The following AR variants were observed in gnomAD, a reference collection of about 807,000 sequenced individuals.
The protein encoded by AR is androgen receptor.
AR carries 8 observed loss-of-function variants against 53.9 expected under a neutral mutation model. The observed-to-expected ratio is 0.15, with a 90% CI of 0.09 to 0.27. AR has a LOEUF of 0.27. AR is among the 10% of genes least tolerant of loss of function. The pLI is 1.00. For synonymous variants in AR, 359 were observed against 316.4 expected, an observed-to-expected ratio of 1.13 and a Z score of -1.43; for missense variants, 639 against 742.5, an observed-to-expected ratio of 0.86 and a Z score of 1.62.
intron 1 of AR, among the ~76,000 whole-genome samples, chrX:67,610,472 T>G (rs762532991): frequency 2.7e-5 from 3 of 111,205 alleles, no homozygotes; most frequent in African/African-American, 9.8e-5. Flanking sequence ...CACCCCTTCT[T>G]TCACTCCCAG....
At chrX:67,668,224 T>C (rs985494904) in intron 2 of AR, among the ~76,000 whole-genome samples, 2 of 112,031 alleles carry the variant, frequency 1.8e-5, no homozygotes, top group East Asian at 5.6e-4. Flanking sequence ...TTTTATTATG[T>C]TGAAGTATGT....
chrX:67,705,186 G>C (rs1057140097), intron 3 of AR, among the ~76,000 whole-genome samples: 3 of 111,669 alleles, frequency 2.7e-5, no homozygotes, highest in African/African-American at 9.8e-5. Flanking sequence ...TGTGGAGAAA[G>C]TCATTGATAG....
intron 1 of AR, among the ~76,000 whole-genome samples, chrX:67,585,067 C>T (rs1922473506): frequency 9.0e-6 from 1 of 110,949 alleles, no homozygotes; most frequent in Non-Finnish European, 1.9e-5. Flanking sequence ...ACCAGCCTGA[C>T]CAACATGGTG....
chrX:67,667,971 T>A (rs1054608718), intron 2 of AR, among the ~76,000 whole-genome samples: 1 of 111,837 alleles, frequency 8.9e-6, no homozygotes, highest in Non-Finnish European at 1.9e-5. Flanking sequence ...TGGTGCAGAC[T>A]TTAGGCTTTT....
At chrX:67,678,334 A>G (rs1264398005) in intron 2 of AR, among the ~76,000 whole-genome samples, 1 of 112,134 alleles carries the variant, frequency 8.9e-6, no homozygotes, top group East Asian at 2.8e-4. Flanking sequence ...AGTTTACTAT[A>G]AAAAACTCAA....
chrX:67,721,585 A>ATT (rs2076135810), intron 5 of AR, among the ~76,000 whole-genome samples: 2 of 111,471 alleles, frequency 1.8e-5, no homozygotes, highest in South Asian at 7.7e-4. Context: ...CCATGTGCTA[A>ATT]CCCATATCCT....
rs967205037 is a variant in AR at position 67,728,803 on chromosome X, G to A, written c.*4962G>A. On this transcript the variant is annotated 3_prime_UTR_variant, in exon 8 of 8. Transcript: ENST00000374690. ...CTCCCCTATTGGGTTTGACCCACAG[G>A]TCCTGTGAAGGAGCAGAGGGATAAA... 1 of 161,596 alleles carries A rather than the reference G, an allele frequency of 6.2e-6. No homozygotes were observed. Among genetic ancestry groups the A allele is most frequent in the Non-Finnish European group, 1.2e-5 (1 of 83,344 alleles). 13.3% of individuals were successfully genotyped at this position (161,596 alleles called of 1,213,427 possible). A position where few individuals can be genotyped will look rare whatever the true frequency, so the allele number is the denominator to read the frequency against.
chrX:67,614,460 C>T (rs747740564), intron 1 of AR, among the ~76,000 whole-genome samples: 2 of 111,303 alleles, frequency 1.8e-5, no homozygotes, highest in Admixed American at 9.6e-5. Context: ...CCAGTCTCAA[C>T]CATAAAAACA....
intron 3 of AR, among the ~76,000 whole-genome samples, chrX:67,705,168 T>G (rs1184242920): frequency 9.0e-6 from 1 of 111,637 alleles, no homozygotes; most frequent in Admixed American, 9.5e-5. Flanking sequence ...AGTAGTTTTC[T>G]CCAATTCTGT....
At chrX:67,582,512 C>G (rs1350605715) in intron 1 of AR, among the ~76,000 whole-genome samples, 3 of 111,755 alleles carry the variant, frequency 2.7e-5, no homozygotes, top group African/African-American at 9.8e-5. Context: ...TGTAAGTAGA[C>G]AGAATTGCCT....
At chrX:67,563,988 T>A (rs1921447542) in intron 1 of AR, among the ~76,000 whole-genome samples, 1 of 111,119 alleles carries the variant, frequency 9.0e-6, no homozygotes, top group African/African-American at 3.3e-5. Context: ...CCTGGAATGA[T>A]CTCCCTTCTC....
In AR at chrX:67,635,311, A is replaced by C. The variant is rs142203174; in HGVS notation, c.1617-7945A>C. ...TCTAAATGAGGCAAATGGAGCACAG[A>C]GAGCCTTAATTATTTCACCCAAAGT... is the stretch of plus-strand genomic sequence containing the variant. On this transcript the variant is annotated intron_variant, in intron 1 of 7. Transcript: ENST00000374690. 2.2e-3 allele frequency among the ~76,000 whole-genome samples: 248 copies of C among 111,292 alleles called. 1 individual carries two copies. The East Asian group carries it at 0.061, about 27-fold the overall frequency.
At chrX:67,567,442 C>A (rs1301908869) in intron 1 of AR, among the ~76,000 whole-genome samples, 5 of 111,092 alleles carry the variant, frequency 4.5e-5, no homozygotes, top group Non-Finnish European at 9.4e-5. Context: ...TCCGAGAGTC[C>A]TTTAGCCAAA....
At chrX:67,583,628 T>TA (rs1255344972) in intron 1 of AR, among the ~76,000 whole-genome samples, 1 of 112,063 alleles carries the variant, frequency 8.9e-6, no homozygotes, top group African/African-American at 3.2e-5. Flanking sequence ...CTCCTTTAGA[T>TA]AGAGACTTAT....
intron 1 of AR, among the ~76,000 whole-genome samples, chrX:67,549,087 T>C (rs937015085): frequency 1.8e-5 from 2 of 112,617 alleles, no homozygotes; most frequent in Admixed American, 1.9e-4. Flanking sequence ...TCTTTCTTTT[T>C]ATTGAAAATT....
intron 1 of AR, among the ~76,000 whole-genome samples, chrX:67,601,812 G>C (rs780975310): frequency 8.9e-6 from 1 of 111,989 alleles, no homozygotes; most frequent in Admixed American, 9.5e-5. Context: ...TTCACAGACT[G>C]TTTCAATTAA....
intron 1 of AR, among the ~76,000 whole-genome samples, chrX:67,612,759 C>T (rs769857105): frequency 8.9e-6 from 1 of 111,961 alleles, no homozygotes; most frequent in South Asian, 3.7e-4. Context: ...AACATTTATT[C>T]AAGAAAAGCT....
Position 67,581,688 on chromosome X carries a change from C to T in AR, c.1616+34926C>T, listed in dbSNP as rs767507389. On this transcript the variant is annotated intron_variant, in intron 1 of 7. Coordinates refer to ENST00000374690, the MANE Select transcript of AR (RefSeq NM_000044.6). ...ACGATATTCAAGATATTAACATATC[C>T]GCATTTTATAAATGAGGAAACTGCT... is the stretch of plus-strand genomic sequence containing the variant. Among the ~76,000 whole-genome samples, 11 of 111,374 alleles carry T rather than the reference C, an allele frequency of 9.9e-5. No individual in the cohort carries two copies. The East Asian group carries it at 2.5e-3, about 26-fold the overall frequency.
At chrX:67,676,390 A>G (rs2075900146) in intron 2 of AR, among the ~76,000 whole-genome samples, 1 of 112,519 alleles carries the variant, frequency 8.9e-6, no homozygotes, top group Non-Finnish European at 1.9e-5. Context: ...AGTCTGTTGC[A>G]GAGATAACCT....
Sources: allele counts gnomAD v4.1 joint callset (sites outside exome capture counted in the v4.1 genomes callset), GRCh38; gene constraint gnomAD v4.1.1; transcripts MANE v1.5; gene names NCBI Gene and HGNC (gene_info 2026-07-23, HGNC 2026-07-21).